WWOX: variants seen among roughly 807,000 people sequenced by gnomAD.
WWOX encodes WW domain containing oxidoreductase, also known as WW domain-containing oxidoreductase.
WWOX carries 69 observed loss-of-function variants against 46.2 expected under a neutral mutation model. The ratio of observed to expected loss-of-function variants is 1.49; its 90% confidence interval spans 1.23 to 1.82. The LOEUF (loss-of-function observed/expected upper bound fraction) is 1.82, where lower values mean the gene tolerates loss of function less well. WWOX is among the 40% of genes most tolerant of loss of function. The pLI is 0.00. For missense variants in WWOX, 919 were observed against 542.6 expected (o/e 1.69, Z -6.89); for synonymous variants, 359 against 202.6 (o/e 1.77, Z -6.56).
chr16:78,425,332 T>A lies in WWOX; in HGVS notation c.791+277T>A, dbSNP rs2083051792. On this transcript the variant is annotated intron_variant, in intron 7 of 8. Coordinates refer to ENST00000566780, the MANE Select transcript of WWOX (RefSeq NM_016373.4). ...AGAGATGGAATAATAATTGATGAAATCTGAATGGCATGACCTTTATTGATT... is the reference window on the plus strand; with the variant it reads ...AGAGATGGAATAATAATTGATGAAAACTGAATGGCATGACCTTTATTGATT... Among the ~76,000 whole-genome samples the A allele has an allele frequency of 5.3e-5, 8 of 152,322 alleles. No homozygotes were observed. The South Asian group carries it at 1.7e-3, about 32-fold the overall frequency.
chr16:78,580,496 G>T (rs1304828690), intron 8 of WWOX, among the ~76,000 whole-genome samples: 1 of 152,322 alleles, frequency 6.6e-6, no homozygotes, highest in South Asian at 2.1e-4. Flanking sequence ...CCTGGCAGAT[G>T]CCCAGAGGCA....
chr16:78,432,238 T>G (rs1431261606), intron 7 of WWOX, among the ~76,000 whole-genome samples: 1 of 151,976 alleles, frequency 6.6e-6, no homozygotes, highest in East Asian at 1.9e-4. Context: ...TTGCTTCAGA[T>G]TCCCGTGTAC....
chr16:78,991,907 T>A (rs977474851), intron 8 of WWOX, among the ~76,000 whole-genome samples: 1 of 152,084 alleles, frequency 6.6e-6, no homozygotes, highest in Admixed American at 6.5e-5. Flanking sequence ...GTTCCTTTGT[T>A]CCCGCCTAAC....
intron 8 of WWOX, among the ~76,000 whole-genome samples, chr16:78,907,280 C>T (rs903969975): frequency 5.3e-5 from 8 of 152,066 alleles, no homozygotes; most frequent in African/African-American, 1.4e-4. Context: ...GCTACCAGTC[C>T]TCAAAAATGC....
intron 5 of WWOX, among the ~76,000 whole-genome samples, chr16:78,273,533 G>A (rs559387625): frequency 3.9e-4 from 60 of 152,272 alleles, no homozygotes; most frequent in South Asian, 8.3e-4. Context: ...CAGAGTTGTC[G>A]AATGGTCAGA....
intron 8 of WWOX, among the ~76,000 whole-genome samples, chr16:78,861,872 C>T (rs571409901): frequency 1.3e-5 from 2 of 152,254 alleles, no homozygotes; most frequent in East Asian, 3.9e-4. Context: ...GTTTTCTATT[C>T]AAGGTTGTAA....
intron 8 of WWOX, among the ~76,000 whole-genome samples, chr16:78,838,645 C>G (rs2052055461): frequency 6.6e-6 from 1 of 152,092 alleles, no homozygotes; most frequent in Non-Finnish European, 1.5e-5. Context: ...AGTTCCAGAC[C>G]AGCCTGACCA....
chr16:78,821,524 T>G (rs180724000), intron 8 of WWOX, among the ~76,000 whole-genome samples: 1 of 152,210 alleles, frequency 6.6e-6, no homozygotes, highest in Non-Finnish European at 1.5e-5. Context: ...CCAGAGTGTT[T>G]GCAGTTCCTA....
intron 8 of WWOX, among the ~76,000 whole-genome samples, chr16:78,915,806 C>G (rs1055825439): frequency 6.6e-6 from 1 of 152,172 alleles, no homozygotes; most frequent in South Asian, 2.1e-4. Context: ...GTGTTTATAA[C>G]TCTCAAATCT....
At chr16:78,395,337 G>T (rs1454463798) in intron 6 of WWOX, among the ~76,000 whole-genome samples, 2 of 152,068 alleles carry the variant, frequency 1.3e-5, no homozygotes, top group Non-Finnish European at 2.9e-5. Flanking sequence ...TCGGTAATTT[G>T]GCAAAACCTT....
intron 5 of WWOX, among the ~76,000 whole-genome samples, chr16:78,292,168 AG>A (rs2079871271): frequency 6.6e-6 from 1 of 151,248 alleles, no homozygotes; most frequent in Non-Finnish European, 1.5e-5. Flanking sequence ...TTACAGAAAA[AG>A]TTTGCCACCC....
intron 8 of WWOX, among the ~76,000 whole-genome samples, chr16:78,857,395 A>G (rs972977579): frequency 2.0e-5 from 3 of 152,198 alleles, no homozygotes; most frequent in Non-Finnish European, 2.9e-5. Context: ...AAAAGGTATA[A>G]AAAAGAAGAG....
chr16:78,465,247 A>T (rs2084047025), intron 8 of WWOX, among the ~76,000 whole-genome samples: 1 of 152,266 alleles, frequency 6.6e-6, no homozygotes, highest in Admixed American at 6.5e-5. Context: ...TCTAAGGCAG[A>T]TGAATAATCC....
intron 5 of WWOX, among the ~76,000 whole-genome samples, chr16:78,290,280 T>TCC (rs367742755): frequency 7.3e-6 from 1 of 137,268 alleles, no homozygotes; most frequent in Admixed American, 7.4e-5. Flanking sequence ...CCCTCCTCGT[T>TCC]CCCCCCCCCA....
chr16:78,503,781 T>C (rs1397544935), intron 8 of WWOX: 1 of 152,216 alleles, frequency 6.6e-6, no homozygotes, highest in Non-Finnish European at 1.5e-5. Flanking sequence ...TCTGATTCCT[T>C]CCAAGAAGGA....
chr16:78,464,928 C>T (rs1379972845), intron 8 of WWOX, among the ~76,000 whole-genome samples: 1 of 152,234 alleles, frequency 6.6e-6, no homozygotes, highest in African/African-American at 2.4e-5. Flanking sequence ...ATTTACTGAA[C>T]TCAGTCGTTT....
chr16:78,779,437 C>T (rs769171147), intron 8 of WWOX, among the ~76,000 whole-genome samples: 10 of 152,138 alleles, frequency 6.6e-5, no homozygotes, highest in Non-Finnish European at 1.5e-4. Context: ...TGTCCGGCCC[C>T]CCTTTCTTCT....
intron 8 of WWOX, among the ~76,000 whole-genome samples, chr16:79,116,668 C>T (rs1288889472): frequency 6.6e-6 from 1 of 152,120 alleles, no homozygotes; most frequent in African/African-American, 2.4e-5. Flanking sequence ...TCAAGACTTA[C>T]TTCCTCCACT....
chr16:78,813,002 A>C (rs1402820223), intron 8 of WWOX, among the ~76,000 whole-genome samples: 1 of 152,170 alleles, frequency 6.6e-6, no homozygotes, highest in African/African-American at 2.4e-5. Context: ...ACAATTAGGG[A>C]ATCTACCTTA....
Sources: allele counts gnomAD v4.1 joint callset (sites outside exome capture counted in the v4.1 genomes callset), GRCh38; gene constraint gnomAD v4.1.1; transcripts MANE v1.5; gene names NCBI Gene and HGNC (gene_info 2026-07-23, HGNC 2026-07-21).